The following MGAT4C variants were observed in gnomAD, a reference collection of about 807,000 sequenced individuals.
MGAT4C encodes the protein MGAT4 family member C, also known as alpha-1,3-mannosyl-glycoprotein 4-beta-N-acetylglucosaminyltransferase C.
Under a neutral mutation model 40.1 loss-of-function variants are expected in MGAT4C, and 19 were observed. The observed-to-expected ratio is 0.47, with a 90% CI of 0.33 to 0.70. MGAT4C has a LOEUF of 0.70. Ranked by LOEUF, MGAT4C falls within the 30% of genes least tolerant of loss-of-function variation. The probability of loss-of-function intolerance (pLI) is 0.02; values close to 1 mark genes in which losing one functional copy is unlikely to be tolerated. For missense variants in MGAT4C, 491 were observed against 563.2 expected (o/e 0.87, Z 1.30); for synonymous variants, 181 against 187.1 (o/e 0.97, Z 0.27).
At chr12:86,826,535 T>G (rs1487632142) in intron 1 of MGAT4C, among the ~76,000 whole-genome samples, 1 of 151,544 alleles carries the variant, frequency 6.6e-6, no homozygotes, top group Non-Finnish European at 1.5e-5. Flanking sequence ...ATATTTTTGT[T>G]TAAATGCACC....
At chr12:86,000,893 C>A (rs549277954) in intron 2 of MGAT4C, among the ~76,000 whole-genome samples, 92 of 152,284 alleles carry the variant, frequency 6.0e-4, no homozygotes, top group African/African-American at 2.0e-3. Flanking sequence ...CCAGAACCTG[C>A]AACATATCCT....
intron 2 of MGAT4C, among the ~76,000 whole-genome samples, chr12:86,606,293 A>G (rs1402138910): frequency 6.6e-6 from 1 of 152,126 alleles, no homozygotes; most frequent in Non-Finnish European, 1.5e-5. Context: ...ATAAACTCTG[A>G]CTAAGGTTAT....
At chr12:86,821,589 C>G (rs1307508577) in intron 1 of MGAT4C, among the ~76,000 whole-genome samples, 1 of 150,934 alleles carries the variant, frequency 6.6e-6, no homozygotes, top group Non-Finnish European at 1.5e-5. Flanking sequence ...CTACCAAACA[C>G]TATATCTTAT....
In MGAT4C at chr12:85,978,196, T is replaced by C. The variant is rs1884154544; in HGVS notation, c.*1093A>G. 6.6e-6 allele frequency: 1 copy of C among 151,580 alleles called. No individual in the cohort carries two copies. Among genetic ancestry groups the C allele is most frequent in the Non-Finnish European group, 1.5e-5 (1 of 67,640 alleles). 9.4% of individuals were successfully genotyped at this position (151,580 alleles called of 1,614,324 possible). On this transcript the variant is annotated 3_prime_UTR_variant, in exon 5 of 5. Transcript: ENST00000611864. ...GGTATAACTTATTATCTGACAGGCA[T>C]GTAGCAAATAGAACACAAAGCATAA...
rs535924728 is a variant in MGAT4C at position 86,111,728 on chromosome 12, A to C, written c.-56-62005T>G. ...TAACTAGAGTGGCTACATGCTTTTC[A>C]CCCACGCTTATGTTCAAACACTTTC... On this transcript the variant is annotated intron_variant, in intron 1 of 4. Transcript: ENST00000611864. 2.0e-5 allele frequency among the ~76,000 whole-genome samples: 3 copies of C among 151,890 alleles called. No homozygotes were observed. In the Admixed American group the frequency reaches 2.0e-4, roughly 10 times the overall value.
chr12:86,188,269 C>T (rs777047159), intron 1 of MGAT4C, among the ~76,000 whole-genome samples: 1 of 151,994 alleles, frequency 6.6e-6, no homozygotes, highest in East Asian at 1.9e-4. Context: ...AAAAATAGAA[C>T]TGGAACTGCA....
intron 3 of MGAT4C, among the ~76,000 whole-genome samples, chr12:86,397,207 A>T (rs371327986): frequency 3.9e-5 from 6 of 152,088 alleles, no homozygotes; most frequent in African/African-American, 1.4e-4. Context: ...TTTTTTCCTT[A>T]TATTCCAAGC....
intron 2 of MGAT4C, among the ~76,000 whole-genome samples, chr12:86,706,190 G>A (rs34357343): frequency 3.3e-5 from 5 of 152,076 alleles, no homozygotes; most frequent in Non-Finnish European, 7.4e-5. Context: ...TTAAGAAGAA[G>A]GTAATGTAAG....
intron 1 of MGAT4C, among the ~76,000 whole-genome samples, chr12:86,110,863 A>G (rs1877260233): frequency 6.6e-6 from 1 of 151,732 alleles, no homozygotes; most frequent in South Asian, 2.1e-4. Flanking sequence ...GAAAATGTAT[A>G]ACTATTATGC....
intron 4 of MGAT4C, among the ~76,000 whole-genome samples, chr12:86,303,876 T>G (rs1417748365): frequency 6.6e-6 from 1 of 150,544 alleles, no homozygotes; most frequent in Non-Finnish European, 1.5e-5. Context: ...TCTCTCTCCA[T>G]CCCTCTCTCT....
chr12:86,505,600 G>T (rs999740152), intron 2 of MGAT4C, among the ~76,000 whole-genome samples: 3 of 152,194 alleles, frequency 2.0e-5, no homozygotes, highest in Non-Finnish European at 4.4e-5. Flanking sequence ...AATGGAAGAT[G>T]TGAAATGGTT....
chr12:86,297,395 T>G (rs561982746), intron 4 of MGAT4C, among the ~76,000 whole-genome samples: 33 of 152,332 alleles, frequency 2.2e-4, no homozygotes, highest in South Asian at 1.9e-3. Context: ...ACTTATATAT[T>G]TACACAAAAT....
intron 1 of MGAT4C, among the ~76,000 whole-genome samples, chr12:86,768,848 A>C (rs1372007806): frequency 2.0e-5 from 3 of 151,924 alleles, no homozygotes; most frequent in Admixed American, 6.6e-5. Flanking sequence ...CCTTCCTTAC[A>C]CCTTATACAA....
chr12:86,254,233 A>T (rs2136083325), intron 1 of MGAT4C, among the ~76,000 whole-genome samples: 1 of 152,018 alleles, frequency 6.6e-6, no homozygotes, highest in Non-Finnish European at 1.5e-5. Flanking sequence ...ATAATAAAAA[A>T]CTTTTTGTGA....
intron 2 of MGAT4C, among the ~76,000 whole-genome samples, chr12:86,632,577 A>G (rs989012831): frequency 6.6e-6 from 1 of 152,170 alleles, no homozygotes; most frequent in African/African-American, 2.4e-5. Flanking sequence ...CTATGCAGCC[A>G]TAAAAAAGGA....
intron 1 of MGAT4C, among the ~76,000 whole-genome samples, chr12:86,827,765 C>T (rs1252607501): frequency 1.3e-5 from 2 of 151,292 alleles, no homozygotes; most frequent in Admixed American, 6.6e-5. Context: ...ATAAGTTTTG[C>T]TTTATACACA....
At chr12:86,160,099 C>CT (rs1010009942) in intron 1 of MGAT4C, among the ~76,000 whole-genome samples, 6 of 151,840 alleles carry the variant, frequency 4.0e-5, no homozygotes, top group East Asian at 1.9e-4. Context: ...TTTATTTGCT[C>CT]TTTTTTTCTA....
intron 2 of MGAT4C, among the ~76,000 whole-genome samples, chr12:86,436,574 T>C (rs1410780254): frequency 6.6e-6 from 1 of 151,750 alleles, no homozygotes; most frequent in African/African-American, 2.4e-5. Context: ...AAGACAGCAT[T>C]ATTATTCTCC....
At chr12:86,294,807 C>T (rs974201070) in intron 4 of MGAT4C, among the ~76,000 whole-genome samples, 2 of 151,960 alleles carry the variant, frequency 1.3e-5, no homozygotes, top group Admixed American at 6.6e-5. Context: ...ATCAGAACTC[C>T]CTCAACTCAC....
Sources: gnomAD v4.1 joint callset for allele counts (sites outside exome capture counted in the v4.1 genomes callset) on GRCh38, gnomAD v4.1.1 for gene constraint, MANE v1.5 for transcripts, NCBI Gene and HGNC (gene_info 2026-07-23, HGNC 2026-07-21) for gene names.